The following THSD7A variants were observed in gnomAD, a reference collection of about 807,000 sequenced individuals.
THSD7A encodes the protein thrombospondin type-1 domain-containing protein 7A.
THSD7A carries 96 observed loss-of-function variants against 231.3 expected under a neutral mutation model. The ratio of observed to expected loss-of-function variants is 0.41; its 90% confidence interval spans 0.35 to 0.49. The LOEUF is 0.49. THSD7A is among the 20% of genes least tolerant of loss of function. The pLI, the probability that THSD7A is intolerant of heterozygous loss-of-function variation, is 0.05. For synonymous variants in THSD7A, 940 were observed against 743.3 expected, an observed-to-expected ratio of 1.26 and a Z score of -4.30; for missense variants, 2,290 against 2,070.2, an observed-to-expected ratio of 1.11 and a Z score of -2.06.
intron 1 of THSD7A, among the ~76,000 whole-genome samples, chr7:11,802,726 C>A (rs1017800728): frequency 1.3e-5 from 2 of 152,006 alleles, no homozygotes; most frequent in Non-Finnish European, 2.9e-5. Flanking sequence ...GTTTTAAATT[C>A]CTTGATGTAT....
At chr7:11,812,729 G>A (rs753834833) in intron 1 of THSD7A, among the ~76,000 whole-genome samples, 1 of 152,252 alleles carries the variant, frequency 6.6e-6, no homozygotes, top group East Asian at 1.9e-4. Flanking sequence ...TATTTTCCCT[G>A]ACCTTGGCTT....
At chr7:11,825,951 G>T (rs1263735688) in intron 1 of THSD7A, among the ~76,000 whole-genome samples, 15 of 152,092 alleles carry the variant, frequency 9.9e-5, no homozygotes, top group Non-Finnish European at 1.5e-5. Flanking sequence ...TGACTACCTG[G>T]AATGATATCC....
Position 11,375,601 on chromosome 7 carries a change from G to T in THSD7A, c.*193C>A, listed in dbSNP as rs1252243169. The T allele has an allele frequency of 4.9e-6, 2 of 407,564 alleles. No homozygotes were observed. Among genetic ancestry groups the T allele is most frequent in the Non-Finnish European group, 8.8e-6 (2 of 228,464 alleles). The allele number at this position is 407,564 out of a possible 1,614,324, so 25.2% of individuals were successfully genotyped here. A position where few individuals can be genotyped will look rare whatever the true frequency, so the allele number is the denominator to read the frequency against. ...TAAATCTCCTATAATTCTCACGGTT[G>T]ATGGTCTGTATATAAGTGGTACTGT... On this transcript the variant is annotated 3_prime_UTR_variant, in exon 28 of 28. Transcript: ENST00000423059.
chr7:11,750,733 T>G (rs1782473621), intron 1 of THSD7A, among the ~76,000 whole-genome samples: 1 of 151,980 alleles, frequency 6.6e-6, no homozygotes, highest in Non-Finnish European at 1.5e-5. Flanking sequence ...ACAACTTCAT[T>G]AGAGACCTCA....
At chr7:11,565,056 A>G (rs932179793) in intron 4 of THSD7A, among the ~76,000 whole-genome samples, 9 of 152,088 alleles carry the variant, frequency 5.9e-5, no homozygotes, top group African/African-American at 2.2e-4. Context: ...CATTTTTTCT[A>G]AATAGGACAT....
chr7:11,793,820 C>G (rs1784039574), intron 1 of THSD7A, among the ~76,000 whole-genome samples: 1 of 151,812 alleles, frequency 6.6e-6, no homozygotes, highest in African/African-American at 2.4e-5. Context: ...CTTTGGACTT[C>G]CAATGTGGGT....
intron 1 of THSD7A, among the ~76,000 whole-genome samples, chr7:11,669,302 A>T (rs1783279171): frequency 6.6e-6 from 1 of 152,108 alleles, no homozygotes; most frequent in African/African-American, 2.4e-5. Flanking sequence ...TACTGTATTT[A>T]AAAATACTTT....
At chr7:11,680,877 T>G (rs1421407390) in intron 1 of THSD7A, among the ~76,000 whole-genome samples, 1 of 152,154 alleles carries the variant, frequency 6.6e-6, no homozygotes, top group Non-Finnish European at 1.5e-5. Flanking sequence ...TTATATATTA[T>G]TCTACTGTAA....
chr7:11,654,960 T>G (rs1396992797), intron 1 of THSD7A, among the ~76,000 whole-genome samples: 5 of 151,872 alleles, frequency 3.3e-5, no homozygotes, highest in African/African-American at 1.2e-4. Flanking sequence ...ATTGTAAAAT[T>G]TAAACCTGAA....
At chr7:11,674,216 A>G (rs998769580) in intron 1 of THSD7A, among the ~76,000 whole-genome samples, 3 of 152,172 alleles carry the variant, frequency 2.0e-5, no homozygotes, top group Admixed American at 2.0e-4. Flanking sequence ...GGCACCACCA[A>G]AGCCTGGAAA....
chr7:11,405,654 T>A (rs1312981503), intron 22 of THSD7A, among the ~76,000 whole-genome samples: 1 of 152,196 alleles, frequency 6.6e-6, no homozygotes, highest in Non-Finnish European at 1.5e-5. Flanking sequence ...TCCATACTAT[T>A]TGATAAACAA....
At chr7:11,681,696 A>G (rs1783877452) in intron 1 of THSD7A, among the ~76,000 whole-genome samples, 1 of 152,118 alleles carries the variant, frequency 6.6e-6, no homozygotes, top group Non-Finnish European at 1.5e-5. Context: ...CGTTCAGGAT[A>G]TAATGCATGA....
intron 1 of THSD7A, among the ~76,000 whole-genome samples, chr7:11,688,422 CT>C (rs1168461145): frequency 1.3e-5 from 2 of 151,800 alleles, no homozygotes; most frequent in East Asian, 2.0e-4. Context: ...AACTCAATCG[CT>C]TATAGCCTAA....
intron 2 of THSD7A, among the ~76,000 whole-genome samples, chr7:11,614,813 A>T (rs748622711): frequency 6.6e-6 from 1 of 152,106 alleles, no homozygotes; most frequent in Admixed American, 6.6e-5. Flanking sequence ...TAAATTTTGG[A>T]TTATAGCCAA....
intron 1 of THSD7A, among the ~76,000 whole-genome samples, chr7:11,667,286 A>G (rs1466902443): frequency 6.6e-6 from 1 of 152,126 alleles, no homozygotes; most frequent in Non-Finnish European, 1.5e-5. Flanking sequence ...GCTCCCACTT[A>G]TAAGTGAGAA....
chr7:11,757,158 A>G (rs1782711240), intron 1 of THSD7A, among the ~76,000 whole-genome samples: 1 of 152,066 alleles, frequency 6.6e-6, no homozygotes, highest in Non-Finnish European at 1.5e-5. Flanking sequence ...TTACTGTTTC[A>G]CAAAAGTACT....
intron 1 of THSD7A, among the ~76,000 whole-genome samples, chr7:11,741,368 C>T (rs1355771754): frequency 6.6e-6 from 1 of 151,844 alleles, no homozygotes; most frequent in Non-Finnish European, 1.5e-5. Flanking sequence ...TGCCAAATTC[C>T]AAGTGCATAT....
chr7:11,530,445 T>C lies in THSD7A; in HGVS notation c.1822+10974A>G, dbSNP rs985451993. ...AGGAATTAGTTATGGTTCAGAGATT[T>C]ATTGACAATCTGTTAAGTGGAACAC... is the stretch of plus-strand genomic sequence containing the variant. On this transcript the variant is annotated intron_variant, in intron 6 of 27. Coordinates refer to ENST00000423059, the MANE Select transcript of THSD7A (RefSeq NM_015204.3). 2.0e-5 allele frequency among the ~76,000 whole-genome samples: 3 copies of C among 152,198 alleles called. No homozygotes were observed. The South Asian group carries it at 6.2e-4, about 31-fold the overall frequency.
chr7:11,799,694 C>G (rs1583300832), intron 1 of THSD7A, among the ~76,000 whole-genome samples: 1 of 152,116 alleles, frequency 6.6e-6, no homozygotes, highest in African/African-American at 2.4e-5. Context: ...TGGGTTTTTT[C>G]TCTCATACTA....
Sources: allele counts gnomAD v4.1 joint callset (sites outside exome capture counted in the v4.1 genomes callset), GRCh38; gene constraint gnomAD v4.1.1; transcripts MANE v1.5; gene names NCBI Gene and HGNC (gene_info 2026-07-23, HGNC 2026-07-21).